The following SGCG variants were observed in gnomAD, a reference collection of about 807,000 sequenced individuals.
SGCG encodes gamma-sarcoglycan.
Under a neutral mutation model 29.3 loss-of-function variants are expected in SGCG, and 26 were observed. The observed-to-expected ratio is 0.89, with a 90% CI of 0.65 to 1.23. SGCG has a LOEUF of 1.23. Among genes scored for constraint, SGCG ranks in the 50% most tolerant of loss-of-function variants. The pLI, the probability that SGCG is intolerant of heterozygous loss-of-function variation, is 0.00. For synonymous variants in SGCG, 145 were observed against 129.7 expected, an observed-to-expected ratio of 1.12 and a Z score of -0.80; for missense variants, 353 against 356.0, an observed-to-expected ratio of 0.99 and a Z score of 0.07.
At chr13:23,279,788 C>T (rs1881236222) in intron 5 of SGCG, among the ~76,000 whole-genome samples, 1 of 146,494 alleles carries the variant, frequency 6.8e-6, no homozygotes, top group Non-Finnish European at 1.5e-5. Context: ...AGTGCAGTAG[C>T]ACAATCTCGG....
intron 6 of SGCG, among the ~76,000 whole-genome samples, chr13:23,315,813 T>C (rs1882785294): frequency 6.6e-6 from 1 of 152,096 alleles, no homozygotes; most frequent in Non-Finnish European, 1.5e-5. Flanking sequence ...ACAAAGAAAT[T>C]TGGGGAAGAG....
At chr13:23,174,656 C>T in the SGCG span, among the ~76,000 whole-genome samples, 6 of 151,934 alleles carry the variant, frequency 3.9e-5, no homozygotes, top group African/African-American at 1.2e-4. Context: ...TGGGAAAAGC[C>T]GTAATGTCAA....
chr13:23,299,452 A>ATTTTTTTTTTT (rs1433429984), intron 6 of SGCG, among the ~76,000 whole-genome samples: 5 of 43,424 alleles, frequency 1.2e-4, no homozygotes, highest in Non-Finnish European at 2.3e-4. Flanking sequence ...ATATATATAT[A>ATTTTTTTTTTT]TATATTTTTT....
intron 4 of SGCG, among the ~76,000 whole-genome samples, chr13:23,274,217 TA>T (rs2137608212): frequency 6.6e-6 from 1 of 152,246 alleles, no homozygotes; most frequent in Admixed American, 6.5e-5. Flanking sequence ...GTCCATTCCT[TA>T]AGTGGCTTCT....
At chr13:23,288,355 T>C (rs1881581209) in intron 5 of SGCG, among the ~76,000 whole-genome samples, 1 of 152,130 alleles carries the variant, frequency 6.6e-6, no homozygotes, top group African/African-American at 2.4e-5. Context: ...ATAAGGTGGC[T>C]CTCTCCTTAA....
chr13:23,272,118 C>G (rs1880895889), intron 4 of SGCG, among the ~76,000 whole-genome samples: 1 of 152,150 alleles, frequency 6.6e-6, no homozygotes, highest in Non-Finnish European at 1.5e-5. Flanking sequence ...TGTTACTTTA[C>G]TCAATCACAC....
intron 6 of SGCG, among the ~76,000 whole-genome samples, chr13:23,314,558 T>A (rs1441912587): frequency 6.6e-6 from 1 of 151,310 alleles, no homozygotes; most frequent in Non-Finnish European, 1.5e-5. Flanking sequence ...AACAGAATAT[T>A]AAGGGTGGAG....
intron 1 of SGCG, among the ~76,000 whole-genome samples, chr13:23,182,688 T>A (rs986283192): frequency 1.3e-5 from 2 of 152,196 alleles, no homozygotes; most frequent in African/African-American, 4.8e-5. Flanking sequence ...AATTTGTGAA[T>A]GGTAAAGGTC....
At chr13:23,238,664 G>A (rs1483799106) in intron 3 of SGCG, among the ~76,000 whole-genome samples, 2 of 152,172 alleles carry the variant, frequency 1.3e-5, no homozygotes, top group African/African-American at 4.8e-5. Context: ...CTCCATCCCA[G>A]AACAGAGTTC....
At chr13:23,232,159 T>TC (rs779567387) in intron 2 of SGCG, among the ~76,000 whole-genome samples, 4 of 150,904 alleles carry the variant, frequency 2.7e-5, no homozygotes, top group Non-Finnish European at 4.4e-5. Flanking sequence ...ATCTACCCAG[T>TC]ATGGGAGGTA....
chr13:23,321,360 A>G (rs2137529299), intron 7 of SGCG, among the ~76,000 whole-genome samples: 1 of 152,198 alleles, frequency 6.6e-6, no homozygotes, highest in East Asian at 1.9e-4. Flanking sequence ...TGTATACACT[A>G]TCTGTTTTCC....
intron 5 of SGCG, among the ~76,000 whole-genome samples, chr13:23,293,527 G>A (rs1049716432): frequency 1.3e-5 from 2 of 152,100 alleles, no homozygotes; most frequent in South Asian, 2.1e-4. Context: ...AAAATGTGAA[G>A]GTACTGTGAA....
chr13:23,187,257 C>A (rs1877017473), intron 1 of SGCG, among the ~76,000 whole-genome samples: 1 of 152,154 alleles, frequency 6.6e-6, no homozygotes, highest in African/African-American at 2.4e-5. Context: ...GGCTTGGAGG[C>A]TGTTAACGTG....
At chr13:23,297,555 A>T (rs1881954566) in intron 6 of SGCG, among the ~76,000 whole-genome samples, 1 of 152,234 alleles carries the variant, frequency 6.6e-6, no homozygotes, top group Non-Finnish European at 1.5e-5. Flanking sequence ...GCATGTCCTT[A>T]AGGCACAGAT....
At chr13:23,286,756 A>T (rs1033260124) in intron 5 of SGCG, among the ~76,000 whole-genome samples, 4 of 152,236 alleles carry the variant, frequency 2.6e-5, no homozygotes, top group Non-Finnish European at 5.9e-5. Context: ...TCTGTCTCAG[A>T]ATATCTTATT....
intron 3 of SGCG, among the ~76,000 whole-genome samples, chr13:23,234,993 A>G (rs1879254051): frequency 1.3e-5 from 2 of 152,220 alleles, no homozygotes; most frequent in African/African-American, 4.8e-5. Flanking sequence ...TACCAAGAAC[A>G]ATTTAAACTT....
Position 23,320,642 on chromosome 13 carries a change from A to T in SGCG, c.584A>T (p.Glu195Val), listed in dbSNP as rs1373911104. ...GCTTCTTTTCCTCATCTCAGATTAGAATCCCCCACTCGGAGTCTAAGCATG... is the reference window on the plus strand; with the variant it reads ...GCTTCTTTTCCTCATCTCAGATTAGTATCCCCCACTCGGAGTCTAAGCATG... ...RADPFQDLRL[E>V]SPTRSLSMDA... The change falls in exon 7 of 8, where the codon GAA becomes GTA. Residue 195 changes from glutamate to valine, a missense_variant. By Grantham distance (121) the Glu-to-Val change is moderately radical (BLOSUM62 -2). Coordinates refer to ENST00000218867, the MANE Select transcript of SGCG (RefSeq NM_000231.3). The T allele has an allele frequency of 1.9e-6, 3 of 1,573,042 alleles. No homozygotes were observed. The highest frequency in any genetic ancestry group is 1.4e-5 in the African/African-American group (1 of 72,538).
chr13:23,172,570 A>G, the SGCG span, among the ~76,000 whole-genome samples: 1 of 152,194 alleles, frequency 6.6e-6, no homozygotes, highest in Admixed American at 6.5e-5. Context: ...ATTGCTAACC[A>G]TATTATTGAG....
intron 2 of SGCG, among the ~76,000 whole-genome samples, chr13:23,228,050 G>A (rs1220187481): frequency 6.6e-6 from 1 of 151,972 alleles, no homozygotes; most frequent in Non-Finnish European, 1.5e-5. Flanking sequence ...GGCTGAAGCT[G>A]TCCGCCCACC....
Sources: allele counts gnomAD v4.1 joint callset (sites outside exome capture counted in the v4.1 genomes callset), GRCh38; gene constraint gnomAD v4.1.1; transcripts MANE v1.5; gene names NCBI Gene and HGNC (gene_info 2026-07-23, HGNC 2026-07-21).